Variants in TBX18 observed in about 807,000 individuals in gnomAD.
The protein encoded by TBX18 is T-box transcription factor 18.
A neutral mutation model predicts 55.0 loss-of-function variants in TBX18; 21 were observed. The ratio of observed to expected loss-of-function variants is 0.38; its 90% CI spans 0.27 to 0.55. TBX18 has a LOEUF of 0.55. Among genes scored for constraint, TBX18 ranks in the 20% least tolerant of loss-of-function variants. The pLI is 0.73. For synonymous variants in TBX18, 342 were observed against 326.1 expected (o/e 1.05, Z -0.53); for missense variants, 840 against 799.6 (o/e 1.05, Z -0.61).
At chr6:84,754,261 A>G (rs1562263997) in intron 4 of TBX18, among the ~76,000 whole-genome samples, 2 of 152,180 alleles carry the variant, frequency 1.3e-5, no homozygotes, top group African/African-American at 2.4e-5. Flanking sequence ...ATCTTTTACC[A>G]TACTGGATAA....
chr6:84,757,952 C>T (rs1025163962), intron 3 of TBX18, among the ~76,000 whole-genome samples: 7 of 152,120 alleles, frequency 4.6e-5, no homozygotes, highest in African/African-American at 1.7e-4. Context: ...ATACACATTT[C>T]TTTTTATAAG....
rs1773909810 is a variant in TBX18, at chr6:84,735,374, C to T, written c.*1311G>A. ...TTTAATTTCTCCAGTTCTGACATTA[C>T]AAATTCTGTTGAGGTTAAAAGTTTT... On this transcript the variant is annotated 3_prime_UTR_variant, in exon 8 of 8. Coordinates refer to ENST00000369663, the MANE Select transcript of TBX18 (RefSeq NM_001080508.3). The T allele has an allele frequency of 6.6e-6, 1 of 152,182 alleles. No individual in the cohort carries two copies. The highest frequency in any genetic ancestry group is 2.4e-5 in the African/African-American group (1 of 41,444). 9.4% of individuals were successfully genotyped at this position (152,182 alleles called of 1,614,324 possible). A position where few individuals can be genotyped will look rare whatever the true frequency, so the allele number is the denominator to read the frequency against.
intron 5 of TBX18, among the ~76,000 whole-genome samples, 185 bp from the exon 6 acceptor site, chr6:84,744,510 A>G (rs1246286630): frequency 6.6e-6 from 1 of 152,158 alleles, no homozygotes; most frequent in African/African-American, 2.4e-5. Context: ...AATCATCTAG[A>G]ACATTCATCT....
chr6:84,740,211 G>C (rs1767012103), intron 6 of TBX18, among the ~76,000 whole-genome samples: 1 of 152,156 alleles, frequency 6.6e-6, no homozygotes, highest in African/African-American at 2.4e-5. Flanking sequence ...CCCTGAGAGA[G>C]AACAGAATCT....
chr6:84,756,006 C>T (rs1053435981), intron 4 of TBX18, among the ~76,000 whole-genome samples: 1 of 152,080 alleles, frequency 6.6e-6, no homozygotes, highest in African/African-American at 2.4e-5. Context: ...TAACAGAAAC[C>T]TAATTTTAAA....
intron 5 of TBX18, among the ~76,000 whole-genome samples, chr6:84,747,169 G>A (rs1457530867): frequency 6.6e-5 from 10 of 150,626 alleles, no homozygotes; most frequent in Admixed American, 5.9e-4. Flanking sequence ...GAACAATTCT[G>A]CTGACCACTG....
chr6:84,758,190 G>A (rs980531163), intron 3 of TBX18, among the ~76,000 whole-genome samples: 13 of 151,938 alleles, frequency 8.6e-5, no homozygotes, highest in Non-Finnish European at 1.3e-4. Flanking sequence ...GGCGGATCAC[G>A]AGGTCAGGAG....
chr6:84,757,548 TA>T (rs912588247), intron 3 of TBX18, among the ~76,000 whole-genome samples: 1 of 152,088 alleles, frequency 6.6e-6, no homozygotes, highest in Non-Finnish European at 1.5e-5. Flanking sequence ...TTGATCCTTA[TA>T]AAAAATTCTT....
At chr6:84,742,177 T>G (rs1767064749) in intron 6 of TBX18, 1 of 152,094 alleles carries the variant, frequency 6.6e-6, no homozygotes, top group Non-Finnish European at 1.5e-5. Flanking sequence ...TGGAACAAAA[T>G]AAAAATTTTA....
chr6:84,762,434 G>A (rs904292217), intron 2 of TBX18, 110 bp downstream of exon 2: 1 of 1,311,686 alleles, frequency 7.6e-7, no homozygotes, highest in Non-Finnish European at 1.1e-6. Context: ...GACCGAAAAT[G>A]CTATCCAGAA....
intron 4 of TBX18, among the ~76,000 whole-genome samples, chr6:84,754,413 ATC>A (rs1767432503): frequency 6.6e-6 from 1 of 152,214 alleles, no homozygotes; most frequent in African/African-American, 2.4e-5. Context: ...GTACAAGTAC[ATC>A]TCTCTCCCTG....
At chr6:84,751,065 C>G (rs1188397173) in intron 4 of TBX18, among the ~76,000 whole-genome samples, 2 of 152,126 alleles carry the variant, frequency 1.3e-5, no homozygotes, top group African/African-American at 4.8e-5. Flanking sequence ...CTTATAAACT[C>G]CCAGGGAGAA....
Position 84,764,400 on chromosome 6 carries a change from G to A in TBX18, c.-219C>T. The stretch of plus-strand genomic sequence containing the variant: ...CGCGCCGGCCAAGTCTCCTTTCCTG[G>A]GTCTCTCTCGCGCGCTCTCTCACTG... On this transcript the variant is annotated 5_prime_UTR_variant, in exon 1 of 8. Coordinates refer to ENST00000369663, the MANE Select transcript of TBX18 (RefSeq NM_001080508.3). 1.7e-6 allele frequency: 1 copy of A among 598,580 alleles called. No individual in the cohort carries two copies. The highest frequency in any genetic ancestry group is 2.7e-6 in the Non-Finnish European group (1 of 375,756). 37.1% of individuals were successfully genotyped at this position (598,580 alleles called of 1,614,324 possible).
In TBX18 at chr6:84,735,661, T is replaced by C. The variant is rs1361306045; in HGVS notation, c.*1024A>G. 6.6e-6 allele frequency: 1 copy of C among 152,222 alleles called. No homozygotes were observed. The highest frequency in any genetic ancestry group is 1.5e-5 in the Non-Finnish European group (1 of 68,032). The allele number at this position is 152,222 out of a possible 1,614,324, so 9.4% of individuals were successfully genotyped here. A position where few individuals can be genotyped will look rare whatever the true frequency, so the allele number is the denominator to read the frequency against. On this transcript the variant is annotated 3_prime_UTR_variant, in exon 8 of 8. Transcript: ENST00000369663. ...ACAAGATATAAATAAGTAGCATAAA[T>C]GCATTTTTTTTACTTATATACTATC...
intron 1 of TBX18, chr6:84,763,235 T>C: frequency 5.5e-6 from 2 of 366,580 alleles, no homozygotes; most frequent in Non-Finnish European, 1.1e-5. Context: ...CTGCGGCGCC[T>C]CGCTTTGGGC....
chr6:84,762,405 C>G (rs1336456947), intron 2 of TBX18, 139 bp downstream of exon 2: 1 of 1,013,880 alleles, frequency 9.9e-7, no homozygotes, highest in East Asian at 2.4e-5. Context: ...GAACCACGGT[C>G]TGGGGCCTGG....
chr6:84,757,170 T>A (rs1291746876), intron 3 of TBX18, among the ~76,000 whole-genome samples: 2 of 152,200 alleles, frequency 1.3e-5, no homozygotes, highest in Non-Finnish European at 2.9e-5. Flanking sequence ...ACATTCCATC[T>A]CTGATATTTT....
intron 1 of TBX18, chr6:84,763,452 C>T (rs1270973481): frequency 4.3e-6 from 2 of 463,244 alleles, no homozygotes; most frequent in Admixed American, 2.3e-5. Flanking sequence ...TCCAAATATG[C>T]CGCCCTCTTC....
At chr6:84,746,799 TTA>T in intron 5 of TBX18, among the ~76,000 whole-genome samples, 1 of 150,486 alleles carries the variant, frequency 6.6e-6, no homozygotes, top group Non-Finnish European at 1.5e-5. Context: ...TGGTCCTATA[TTA>T]TATCTATTAG....
Sources: allele counts gnomAD v4.1 joint callset (sites outside exome capture counted in the v4.1 genomes callset), GRCh38; gene constraint gnomAD v4.1.1; transcripts MANE v1.5; gene names NCBI Gene and HGNC (gene_info 2026-07-23, HGNC 2026-07-21).